PCDH11X: variants seen among roughly 807,000 people sequenced by gnomAD.
The protein encoded by PCDH11X is protocadherin-11 X-linked.
In PCDH11X, 18 loss-of-function variants were observed where a neutral mutation model predicts 53.3. That is an observed-to-expected ratio of 0.34 (90% confidence interval 0.23 to 0.50). The LOEUF is 0.50. PCDH11X is among the 20% of genes least tolerant of loss of function. The pLI, the probability that PCDH11X is intolerant of heterozygous loss-of-function variation, is 0.98. For synonymous variants in PCDH11X, 279 were observed against 393.3 expected (o/e 0.71, Z 3.44); for missense variants, 570 against 1,032.4 (o/e 0.55, Z 6.14).
At chrX:92,276,057 A>T (rs1183292115) in intron 8 of PCDH11X, among the ~76,000 whole-genome samples, 1 of 110,189 alleles carries the variant, frequency 9.1e-6, no homozygotes, top group Non-Finnish European at 1.9e-5. Context: ...GGAACTGGGC[A>T]GGTGGGGATA....
At chrX:92,157,367 A>T (rs1174886002) in intron 6 of PCDH11X, among the ~76,000 whole-genome samples, 1 of 111,769 alleles carries the variant, frequency 8.9e-6, no homozygotes, top group African/African-American at 3.3e-5. Context: ...ATAGTGTATA[A>T]TTTTTTTATT....
chrX:92,444,123 G>A (rs1035749504), intron 9 of PCDH11X, among the ~76,000 whole-genome samples: 5 of 110,289 alleles, frequency 4.5e-5, no homozygotes, highest in African/African-American at 1.6e-4. Context: ...GCTTTGGGCA[G>A]TATGGCCATA....
At chrX:91,822,631 G>A (rs1340385883) in intron 4 of PCDH11X, among the ~76,000 whole-genome samples, 3 of 97,534 alleles carry the variant, frequency 3.1e-5, no homozygotes, top group African/African-American at 1.1e-4. Flanking sequence ...CCAGCTCCTG[G>A]ATTCATTAAT....
chrX:91,848,204 G>T (rs200305055), intron 5 of PCDH11X, among the ~76,000 whole-genome samples: 194 of 100,726 alleles, frequency 1.9e-3, no homozygotes, highest in African/African-American at 3.6e-3. Context: ...TTTTTTTTTT[G>T]TTTTTTTTTT....
At chrX:92,507,654 A>G (rs1407061080) in intron 10 of PCDH11X, among the ~76,000 whole-genome samples, 1 of 111,914 alleles carries the variant, frequency 8.9e-6, no homozygotes, top group Non-Finnish European at 1.9e-5. Context: ...TACTGAAAGA[A>G]AAACTTATGT....
At chrX:92,352,674 G>A (rs761565570) in intron 8 of PCDH11X, among the ~76,000 whole-genome samples, 1 of 110,779 alleles carries the variant, frequency 9.0e-6, no homozygotes, top group Non-Finnish European at 1.9e-5. Context: ...GCCTCCTGGG[G>A]TTTTCCCTTG....
chrX:92,465,089 C>T (rs2073131813), intron 9 of PCDH11X, among the ~76,000 whole-genome samples: 2 of 110,736 alleles, frequency 1.8e-5, no homozygotes, highest in South Asian at 3.8e-4. Context: ...TGGGGTTGTA[C>T]TGAGCTATGA....
In PCDH11X at chrX:92,585,848, C is replaced by T. The variant is rs191320962; in HGVS notation, c.3368-32416C>T. Among the ~76,000 whole-genome samples, 861 of 106,784 alleles carry T rather than the reference C, an allele frequency of 8.1e-3. 5 individuals are homozygous for T. Among genetic ancestry groups the T allele is most frequent in the African/African-American group, 0.028 (814 of 29,013 alleles). 92.7% of individuals were successfully genotyped at this position (106,784 alleles called of 115,157 possible). A position where few individuals can be genotyped will look rare whatever the true frequency, so the allele number is the denominator to read the frequency against. On this transcript the variant is annotated intron_variant, in intron 10 of 10. Transcript: ENST00000682573. ...TACATTCTATTTTAACTTTGGATAG[C>T]TTTGGGTGTTTAAAAATACTTTACA...
At chrX:92,273,074 G>T (rs2067993903) in intron 8 of PCDH11X, among the ~76,000 whole-genome samples, 1 of 111,240 alleles carries the variant, frequency 9.0e-6, no homozygotes, top group African/African-American at 3.3e-5. Context: ...TTTATGTTCT[G>T]GTGGTCTCTT....
At chrX:92,306,651 A>C (rs1405503285) in intron 8 of PCDH11X, among the ~76,000 whole-genome samples, 2 of 108,835 alleles carry the variant, frequency 1.8e-5, no homozygotes, top group African/African-American at 3.3e-5. Flanking sequence ...AAAAAAAAAA[A>C]CAACTCTTGA....
chrX:92,563,047 G>GTTTTTTT (rs61411325), intron 10 of PCDH11X, among the ~76,000 whole-genome samples: 8 of 43,875 alleles, frequency 1.8e-4, no homozygotes, highest in African/African-American at 2.9e-4. Flanking sequence ...CCTTGGTACC[G>GTTTTTTT]TTTTTTTTTT....
chrX:91,867,532 G>A (rs1939053103), intron 5 of PCDH11X, among the ~76,000 whole-genome samples: 1 of 107,623 alleles, frequency 9.3e-6, no homozygotes, highest in South Asian at 4.1e-4. Context: ...AGGACAAATG[G>A]CAATGAATTC....
intron 5 of PCDH11X, among the ~76,000 whole-genome samples, chrX:91,843,248 TATAC>T (rs1326383352): frequency 6.1e-5 from 6 of 98,476 alleles, no homozygotes; most frequent in Non-Finnish European, 1.0e-4. Flanking sequence ...TTATTTTATA[TATAC>T]ATACATACTT....
chrX:92,350,297 A>G (rs1322390102), intron 8 of PCDH11X, among the ~76,000 whole-genome samples: 3 of 109,364 alleles, frequency 2.7e-5, no homozygotes, highest in Non-Finnish European at 5.7e-5. Context: ...GGGCATGTTA[A>G]GGAACCTTGT....
At chrX:92,460,777 T>C in intron 9 of PCDH11X, 2 of 1,165,999 alleles carry the variant, frequency 1.7e-6, no homozygotes, top group Non-Finnish European at 2.3e-6. Context: ...AAGGTCAAGC[T>C]GGAGGCTGAG....
chrX:92,100,094 T>C (rs1288013796), intron 6 of PCDH11X, among the ~76,000 whole-genome samples: 2 of 112,253 alleles, frequency 1.8e-5, no homozygotes, highest in Non-Finnish European at 1.9e-5. Context: ...TTTTTTCTTA[T>C]GGGTTTTTAA....
chrX:92,254,283 C>T (rs448642), intron 7 of PCDH11X, among the ~76,000 whole-genome samples: 63,239 of 109,295 alleles, frequency 0.58, 15,337 homozygotes, highest in Non-Finnish European at 0.78. Context: ...TTTTGTTTTC[C>T]ATTTGCTTGG....
intron 9 of PCDH11X, among the ~76,000 whole-genome samples, chrX:92,401,110 A>G (rs2071378776): frequency 9.2e-6 from 1 of 108,236 alleles, no homozygotes; most frequent in Non-Finnish European, 1.9e-5. Flanking sequence ...ATCTTACAAT[A>G]GCACCAGCAA....
intron 8 of PCDH11X, among the ~76,000 whole-genome samples, chrX:92,316,843 C>A (rs1158559307): frequency 9.1e-6 from 1 of 110,241 alleles, no homozygotes; most frequent in Non-Finnish European, 1.9e-5. Flanking sequence ...AACCAAGCAA[C>A]TTCCTTTCTG....
Sources: gnomAD v4.1 joint callset for allele counts (sites outside exome capture counted in the v4.1 genomes callset) on GRCh38, gnomAD v4.1.1 for gene constraint, MANE v1.5 for transcripts, NCBI Gene and HGNC (gene_info 2026-07-23, HGNC 2026-07-21) for gene names.